SIPA1L3: variants seen among roughly 807,000 people sequenced by gnomAD.
SIPA1L3 encodes the protein signal-induced proliferation-associated 1-like protein 3.
Under a neutral mutation model 150.1 loss-of-function variants are expected in SIPA1L3, and 59 were observed. The observed-to-expected ratio is 0.39, with a 90% CI of 0.32 to 0.49. SIPA1L3 has a LOEUF of 0.49. SIPA1L3 is among the 20% of genes least tolerant of loss of function. SIPA1L3 has a pLI of 0.86. For synonymous variants in SIPA1L3, 1,070 were observed against 1,077.6 expected, an observed-to-expected ratio of 0.99 and a Z score of 0.14; for missense variants, 2,211 against 2,489.5, an observed-to-expected ratio of 0.89 and a Z score of 2.38.
chr19:38,122,730 C>A (rs1470020434), intron 9 of SIPA1L3, among the ~76,000 whole-genome samples: 1 of 152,218 alleles, frequency 6.6e-6, no homozygotes, highest in Non-Finnish European at 1.5e-5. Context: ...CCATGAAGAC[C>A]TCTGAGGTTT....
rs146701089 is a variant in SIPA1L3, at chr19:38,100,296, C to A, written c.1854+146C>A. ...GCTGGTTTCAGCAAAAGGAGGGATT[C>A]AAATCAAATTCTAGTGGTGCCAAGA... On this transcript the variant is annotated intron_variant, in intron 5 of 21. Transcript: ENST00000222345. 1.5e-4 allele frequency: 96 copies of A among 640,098 alleles called. 1 individual carries two copies. In the African/African-American group the frequency reaches 1.7e-3, roughly 11 times the overall value. The allele number at this position is 640,098 out of a possible 1,614,324, so 39.7% of individuals were successfully genotyped here. A position where few individuals can be genotyped will look rare whatever the true frequency, so the allele number is the denominator to read the frequency against.
At chr19:38,030,092 G>T (rs1411759880) in intron 2 of SIPA1L3, among the ~76,000 whole-genome samples, 3 of 151,648 alleles carry the variant, frequency 2.0e-5, no homozygotes, top group Non-Finnish European at 4.4e-5. Context: ...GACCTCAGGT[G>T]ATCCATCCGC....
chr19:38,107,420 G>T (rs1469525396), intron 7 of SIPA1L3, among the ~76,000 whole-genome samples: 2 of 152,220 alleles, frequency 1.3e-5, no homozygotes, highest in Non-Finnish European at 2.9e-5. Flanking sequence ...GCTGCCAGCA[G>T]GAGGCAGGGA....
At chr19:38,087,546 G>A (rs2145835085) in intron 3 of SIPA1L3, among the ~76,000 whole-genome samples, 1 of 152,278 alleles carries the variant, frequency 6.6e-6, no homozygotes, top group Admixed American at 6.5e-5. Context: ...ACAGACCGCT[G>A]GCGGATACCC....
chr19:37,970,233 A>G (rs1370348779), intron 1 of SIPA1L3, among the ~76,000 whole-genome samples: 1 of 152,212 alleles, frequency 6.6e-6, no homozygotes, highest in East Asian at 1.9e-4. Flanking sequence ...TACTGCAGCC[A>G]TATTTTTTCA....
At chr19:38,062,744 C>T (rs1969477044) in intron 2 of SIPA1L3, among the ~76,000 whole-genome samples, 1 of 152,096 alleles carries the variant, frequency 6.6e-6, no homozygotes, top group Non-Finnish European at 1.5e-5. Flanking sequence ...CCTCAGCCTC[C>T]TGAGTAGTTA....
At chr19:38,013,886 G>A (rs1282820357) in intron 1 of SIPA1L3, among the ~76,000 whole-genome samples, 1 of 152,228 alleles carries the variant, frequency 6.6e-6, no homozygotes, top group African/African-American at 2.4e-5. Flanking sequence ...TTGCTGGCCT[G>A]GAGGCATTTC....
chr19:38,122,925 C>T (rs1186306794), intron 9 of SIPA1L3, among the ~76,000 whole-genome samples: 2 of 152,316 alleles, frequency 1.3e-5, no homozygotes, highest in East Asian at 1.9e-4. Context: ...AGCACATTCA[C>T]GCGCTTTGCC....
chr19:38,043,520 G>A (rs1293238930), intron 2 of SIPA1L3, among the ~76,000 whole-genome samples: 1 of 152,170 alleles, frequency 6.6e-6, no homozygotes, highest in Non-Finnish European at 1.5e-5. Flanking sequence ...ACCTTCTAGG[G>A]TTGCCTTTCT....
chr19:38,101,815 T>C (rs1970510104), intron 6 of SIPA1L3, among the ~76,000 whole-genome samples: 1 of 152,204 alleles, frequency 6.6e-6, no homozygotes, highest in South Asian at 2.1e-4. Context: ...CTCTGTCTAA[T>C]GTGCACGTGC....
chr19:37,911,019 T>C (rs1222355200), intron 1 of SIPA1L3, among the ~76,000 whole-genome samples: 3 of 152,176 alleles, frequency 2.0e-5, no homozygotes, highest in African/African-American at 7.2e-5. Context: ...TTGTAACGTG[T>C]CAAACAATAC....
chr19:38,195,803 C>CCA (rs1972913452), intron 18 of SIPA1L3, among the ~76,000 whole-genome samples: 1 of 102,732 alleles, frequency 9.7e-6, no homozygotes, highest in Non-Finnish European at 1.9e-5. Context: ...TCCCCCCCCG[C>CCA]CCCCCCGGGT....
In SIPA1L3 at chr19:38,126,191, A is replaced by G. The variant is rs879516448; in HGVS notation, c.2869-4307A>G. Among the ~76,000 whole-genome samples, 170 of 151,296 alleles carry G rather than the reference A, an allele frequency of 1.1e-3. 1 individual carries two copies. The highest frequency in any genetic ancestry group is 4.3e-4 in the Non-Finnish European group (29 of 68,004). On this transcript the variant is annotated intron_variant, in intron 9 of 21. Coordinates refer to ENST00000222345, the MANE Select transcript of SIPA1L3 (RefSeq NM_015073.3). ...GTGAGGCTCCATCTCAAAAACAAAA[A>G]CAAAAACAAAACAAAACAAAAAAAA...
chr19:38,120,546 A>C (rs1388583078), intron 9 of SIPA1L3, among the ~76,000 whole-genome samples: 3 of 152,246 alleles, frequency 2.0e-5, no homozygotes, highest in African/African-American at 7.2e-5. Flanking sequence ...TGTCCAAACC[A>C]TTAATGGATA....
At chr19:38,169,092 A>G (rs1972269795) in intron 15 of SIPA1L3, among the ~76,000 whole-genome samples, 1 of 152,184 alleles carries the variant, frequency 6.6e-6, no homozygotes, top group Admixed American at 6.6e-5. Flanking sequence ...GAGTTGATTT[A>G]AAAAAACATA....
At chr19:37,915,801 A>G (rs952274805) in intron 1 of SIPA1L3, among the ~76,000 whole-genome samples, 5 of 152,152 alleles carry the variant, frequency 3.3e-5, no homozygotes, top group African/African-American at 1.2e-4. Flanking sequence ...CGGCATCATG[A>G]CCTGTGTGCA....
At chr19:38,191,784 C>T (rs925187782) in intron 16 of SIPA1L3, among the ~76,000 whole-genome samples, 10 of 152,170 alleles carry the variant, frequency 6.6e-5, no homozygotes, top group African/African-American at 2.4e-4. Context: ...GCACTCCAGC[C>T]TGGGTGACAG....
At chr19:38,195,538 T>A (rs781630950) in intron 18 of SIPA1L3, among the ~76,000 whole-genome samples, 7 of 152,044 alleles carry the variant, frequency 4.6e-5, no homozygotes, top group Non-Finnish European at 1.0e-4. Context: ...TTCCTCGGCC[T>A]CTCCTCCCTG....
rs563875179 is a variant in SIPA1L3, at chr19:38,194,706, G to A, written c.4840+926G>A. ...CCTCTTGTGAGCTGTGGGGGATGGG[G>A]TGGAGGAGACTCTGGGAATTTTATG... On this transcript the variant is annotated intron_variant, in intron 18 of 21. Coordinates refer to ENST00000222345, the MANE Select transcript of SIPA1L3 (RefSeq NM_015073.3). Among the ~76,000 whole-genome samples the A allele has an allele frequency of 2.3e-4, 35 of 152,312 alleles. No homozygotes were observed. The East Asian group carries it at 6.6e-3, about 29-fold the overall frequency.
Sources: gnomAD v4.1 joint callset for allele counts (sites outside exome capture counted in the v4.1 genomes callset) on GRCh38, gnomAD v4.1.1 for gene constraint, MANE v1.5 for transcripts, NCBI Gene and HGNC (gene_info 2026-07-23, HGNC 2026-07-21) for gene names.